LNPK: variants seen among roughly 807,000 people sequenced by gnomAD.
The protein encoded by LNPK is endoplasmic reticulum junction formation protein lunapark.
LNPK carries 29 observed loss-of-function variants against 55.2 expected under a neutral mutation model. The ratio of observed to expected loss-of-function variants is 0.53; its 90% CI spans 0.39 to 0.72. LNPK has a LOEUF of 0.72. Ranked by LOEUF, LNPK falls within the 30% of genes least tolerant of loss-of-function variation. The pLI, the probability that LNPK is intolerant of heterozygous loss-of-function variation, is 0.00. For synonymous variants in LNPK, 162 were observed against 168.2 expected, an observed-to-expected ratio of 0.96 and a Z score of 0.29; for missense variants, 467 against 494.8, an observed-to-expected ratio of 0.94 and a Z score of 0.53.
chr2:175,992,515 A>G (rs1687753425), intron 3 of LNPK, 97 bp from the exon 4 acceptor site: 1 of 702,682 alleles, frequency 1.4e-6, no homozygotes, highest in African/African-American at 1.9e-5. Flanking sequence ...TTAAGAAAAA[A>G]CTCTTATTTA....
At position 175,927,800 on chromosome 2, in the gene LNPK, A is replaced by C. The variant is rs941183845; in HGVS notation, c.*2167T>G. On this transcript the variant is annotated 3_prime_UTR_variant, in exon 13 of 13. Transcript: ENST00000272748. ...TGTTTATTATAATAATAATGAAAAT[A>C]AGCTTTTGTATCTAAAAGGATACTA... 4 of 146,144 alleles carry C rather than the reference A, an allele frequency of 2.7e-5. No individual in the cohort carries two copies. The highest frequency in any genetic ancestry group is 4.6e-5 in the Non-Finnish European group (3 of 64,972). The allele number at this position is 146,144 out of a possible 1,614,324, so 9.1% of individuals were successfully genotyped here.
intron 9 of LNPK, among the ~76,000 whole-genome samples, chr2:175,945,188 C>T (rs568614366): frequency 4.0e-5 from 6 of 150,250 alleles, no homozygotes; most frequent in African/African-American, 1.2e-4. Context: ...CGTGAGCCAC[C>T]GTGCCCGGCT....
In LNPK at chr2:175,959,454, C is replaced by A. The variant is rs752371136; in HGVS notation, c.493+4918G>T. On this transcript the variant is annotated intron_variant, in intron 8 of 12. Coordinates refer to ENST00000272748, the MANE Select transcript of LNPK (RefSeq NM_030650.3). ...TTTCAACCCAGAATTTCATATCCAG[C>A]CAAACTAAGCTTCATAAGTGAAGGA... Among the ~76,000 whole-genome samples the A allele has an allele frequency of 8.7e-5, 13 of 148,754 alleles. No individual in the cohort carries two copies. The East Asian group carries it at 1.2e-3, about 13-fold the overall frequency.
chr2:175,934,306 C>T (rs747277672), intron 12 of LNPK, among the ~76,000 whole-genome samples: 20 of 151,996 alleles, frequency 1.3e-4, no homozygotes, highest in Admixed American at 2.0e-4. Context: ...CCTTGTTCAG[C>T]GCAACCTAAT....
Position 175,925,820 on chromosome 2 carries a change from A to G in LNPK, c.*4147T>C, listed in dbSNP as rs958412435. ...GCTAGGATTACAGGCATGCACCACC[A>G]CGCCTGGCTAATTTTGTATTTTTAG... On this transcript the variant is annotated 3_prime_UTR_variant, in exon 13 of 13. Transcript: ENST00000272748. 6 of 152,122 alleles carry G rather than the reference A, an allele frequency of 3.9e-5. No individual in the cohort carries two copies. The highest frequency in any genetic ancestry group is 5.9e-5 in the Non-Finnish European group (4 of 68,168). The allele number at this position is 152,122 out of a possible 1,614,324, so 9.4% of individuals were successfully genotyped here.
At position 175,924,690 on chromosome 2, in the gene LNPK, ACAAACAAAAAAAAAAAACAAAG is replaced by A. The variant is rs1352770197; in HGVS notation, c.*5255_*5276del. ...GGTAATTTACTGAAAAAAAAACAAA[ACAAACAAAAAAAAAAAACAAAG>A]AAGAAGTTTATTTGGCTTACAGTTC... On this transcript the variant is annotated 3_prime_UTR_variant, in exon 13 of 13. Transcript: ENST00000272748. 1 of 80,766 alleles carries A rather than the reference ACAAACAAAAAAAAAAAACAAAG, an allele frequency of 1.2e-5. No homozygotes were observed. The highest frequency in any genetic ancestry group is 2.8e-5 in the Non-Finnish European group (1 of 35,286). 5.0% of individuals were successfully genotyped at this position (80,766 alleles called of 1,614,324 possible).
intron 1 of LNPK, among the ~76,000 whole-genome samples, chr2:175,996,463 T>C (rs1193166826): frequency 2.0e-5 from 3 of 152,216 alleles, no homozygotes; most frequent in African/African-American, 4.8e-5. Context: ...CTGTGACCTT[T>C]AGCAAATCAC....
chr2:175,970,513 T>C (rs1686606839), intron 6 of LNPK, among the ~76,000 whole-genome samples: 1 of 152,130 alleles, frequency 6.6e-6, no homozygotes, highest in African/African-American at 2.4e-5. Flanking sequence ...AGGCCTCCAA[T>C]ATGACTCATT....
intron 11 of LNPK, 43 bp downstream of exon 11, chr2:175,938,266 ATATT>A: frequency 8.5e-7 from 1 of 1,173,104 alleles, no homozygotes; most frequent in Non-Finnish European, 1.3e-6. Flanking sequence ...ATAGAATAAA[ATATT>A]TAAGCATAAA....
intron 4 of LNPK, among the ~76,000 whole-genome samples, chr2:175,982,424 G>A (rs953247382): frequency 2.0e-5 from 3 of 151,904 alleles, no homozygotes; most frequent in Non-Finnish European, 2.9e-5. Flanking sequence ...AAATTCCTCT[G>A]GTTTTTATCA....
rs544352713 is a variant in LNPK, at chr2:175,935,555, A to G, written c.1054+1789T>C. Among the ~76,000 whole-genome samples the G allele has an allele frequency of 8.6e-4, 131 of 152,362 alleles. 1 individual carries two copies. Among genetic ancestry groups the G allele is most frequent in the African/African-American group, 3.0e-3 (126 of 41,578 alleles). ...CAATCTTCTGGAAAGCCAAAGAAAA[A>G]GATGCTCATAGCCACTTTGATGAAT... On this transcript the variant is annotated intron_variant, in intron 12 of 12. Coordinates refer to ENST00000272748, the MANE Select transcript of LNPK (RefSeq NM_030650.3).
chr2:175,931,708 C>T (rs1018915985), intron 12 of LNPK, among the ~76,000 whole-genome samples: 1 of 152,158 alleles, frequency 6.6e-6, no homozygotes, highest in Non-Finnish European at 1.5e-5. Context: ...CATTGCTACA[C>T]ACATGGAATT....
intron 12 of LNPK, chr2:175,935,705 T>G: frequency 1.1e-6 from 1 of 892,690 alleles, no homozygotes. Context: ...GTAATAACAT[T>G]ACCTTATTGG....
At chr2:175,999,238 T>A (rs935831462) in intron 1 of LNPK, among the ~76,000 whole-genome samples, 7 of 152,202 alleles carry the variant, frequency 4.6e-5, no homozygotes, top group African/African-American at 1.7e-4. Context: ...TCTCCATAGC[T>A]TTAATTTCAT....
At chr2:175,948,244 T>A (rs566317768) in intron 8 of LNPK, among the ~76,000 whole-genome samples, 3 of 152,202 alleles carry the variant, frequency 2.0e-5, no homozygotes, top group African/African-American at 7.2e-5. Context: ...GCCAAAACAT[T>A]CAACAGATCT....
chr2:175,980,121 G>A (rs1028664867), intron 4 of LNPK, among the ~76,000 whole-genome samples: 1 of 152,168 alleles, frequency 6.6e-6, no homozygotes, highest in Non-Finnish European at 1.5e-5. Flanking sequence ...GTGTGCATAA[G>A]TGCATTTCTC....
At chr2:175,995,934 T>C (rs368485301) in intron 1 of LNPK, among the ~76,000 whole-genome samples, 1 of 147,306 alleles carries the variant, frequency 6.8e-6, no homozygotes, top group Non-Finnish European at 1.5e-5. Flanking sequence ...TGGCTCAGCC[T>C]CCTGAGTAGC....
chr2:175,976,783 C>T (rs1276764610), intron 5 of LNPK, among the ~76,000 whole-genome samples: 58 of 152,194 alleles, frequency 3.8e-4, no homozygotes, highest in Admixed American at 3.7e-3. Context: ...TACTGGCTCT[C>T]TTGGTTCTCA....
chr2:175,956,439 C>T (rs4972799), intron 8 of LNPK, among the ~76,000 whole-genome samples: 3,723 of 152,218 alleles, frequency 0.024, 76 homozygotes, highest in Admixed American at 0.056. Flanking sequence ...TGTTCTCCAA[C>T]CACTAACCTC....
Sources: allele counts gnomAD v4.1 joint callset (sites outside exome capture counted in the v4.1 genomes callset), GRCh38; gene constraint gnomAD v4.1.1; transcripts MANE v1.5; gene names NCBI Gene and HGNC (gene_info 2026-07-23, HGNC 2026-07-21).